The following RGPD4 variants were observed in gnomAD, a reference collection of about 807,000 sequenced individuals.
RGPD4 encodes the protein ranBP2-like and GRIP domain-containing protein 4.
In RGPD4, 84 loss-of-function variants were observed where a neutral mutation model predicts 141.1. That is an observed-to-expected ratio of 0.60 (90% CI 0.50 to 0.71). The LOEUF (loss-of-function observed/expected upper bound fraction) is 0.71. Ranked by LOEUF, RGPD4 falls within the 30% of genes least tolerant of loss-of-function variation. The pLI is 0.00. For synonymous variants in RGPD4, 298 were observed against 566.8 expected (o/e 0.53, Z 6.74); for missense variants, 918 against 1,622.4 (o/e 0.57, Z 7.46).
In RGPD4 at chr2:107,834,606, C is replaced by T. The variant is rs575174197; in HGVS notation, c.73-1996C>T. On this transcript the variant is annotated intron_variant, in intron 1 of 22. Coordinates refer to ENST00000408999, the MANE Select transcript of RGPD4 (RefSeq NM_182588.3). ...TTGCAGTGCTTGTGTTCAAGTAACC[C>T]TTATTTTATTTAAAATGGCACCAAA... Among the ~76,000 whole-genome samples the T allele has an allele frequency of 3.5e-3, 538 of 151,814 alleles. 4 individuals carry two copies. The highest frequency in any genetic ancestry group is 0.012 in the African/African-American group (499 of 41,308).
At chr2:107,840,963 G>C (rs1467859946) in intron 4 of RGPD4, among the ~76,000 whole-genome samples, 8 of 70,508 alleles carry the variant, frequency 1.1e-4, no homozygotes, top group Admixed American at 9.0e-4. Context: ...CTAGGTTTTG[G>C]CTATTGTTCA....
intron 1 of RGPD4, among the ~76,000 whole-genome samples, chr2:107,830,943 T>C (rs2104396058): frequency 6.6e-6 from 1 of 152,320 alleles, no homozygotes; most frequent in Non-Finnish European, 1.5e-5. Context: ...AAAAATATTC[T>C]TCGTCTGTAA....
chr2:107,880,259 C>CTTTTTTTTT (rs58305715), intron 21 of RGPD4, among the ~76,000 whole-genome samples, 152 bp downstream of exon 21: 5 of 48,176 alleles, frequency 1.0e-4, no homozygotes, highest in African/African-American at 2.0e-4. Context: ...GAAATATTGC[C>CTTTTTTTTT]TTTTTTTTTT....
chr2:107,871,985 A>G lies in RGPD4; in HGVS notation c.3981A>G (p.Glu1327=), dbSNP rs1682940581. Residue 1327 remains glutamate (E), a synonymous_variant, in exon 20 of 23, where the codon GAA becomes GAG. Coordinates refer to ENST00000408999, the MANE Select transcript of RGPD4 (RefSeq NM_182588.3). ...GTDEESDVTQ[E]EERDGQYFEP... is the part of the protein sequence containing the mutation. Reference sequence around the variant, plus strand: ...ATGAAGAATCTGATGTTACTCAAGAAGAAGAGAGAGATGGACAGTACTTTG... The same window carrying G: ...ATGAAGAATCTGATGTTACTCAAGAGGAAGAGAGAGATGGACAGTACTTTG... 1.2e-6 allele frequency: 2 copies of G among 1,611,392 alleles called. No individual in the cohort carries two copies. The highest frequency in any genetic ancestry group is 1.7e-6 in the Non-Finnish European group (2 of 1,179,842).
At chr2:107,832,566 T>G (rs1333901287) in intron 1 of RGPD4, among the ~76,000 whole-genome samples, 1 of 77,402 alleles carries the variant, frequency 1.3e-5, no homozygotes, top group East Asian at 2.2e-4. Context: ...CTCAGCCTCC[T>G]GAGTAGTGGG....
rs981609885 is a variant in RGPD4, at chr2:107,874,584, G to A, written c.4924+1656G>A. Among the ~76,000 whole-genome samples the A allele has an allele frequency of 1.2e-3, 174 of 150,412 alleles. 1 individual carries two copies. The highest frequency in any genetic ancestry group is 1.7e-3 in the Non-Finnish European group (116 of 67,852). On this transcript the variant is annotated intron_variant, in intron 20 of 22. Coordinates refer to ENST00000408999, the MANE Select transcript of RGPD4 (RefSeq NM_182588.3). The stretch of plus-strand genomic sequence containing the variant: ...TTTAAAGATACGGTCTTTGAGAAAT[G>A]TGAAAAGTGTTAACTTAAAAGTGAA...
At chr2:107,886,761 G>T (rs1164678267) in intron 22 of RGPD4, among the ~76,000 whole-genome samples, 1 of 151,976 alleles carries the variant, frequency 6.6e-6, no homozygotes, top group Non-Finnish European at 1.5e-5. Flanking sequence ...ACTCTTCCTG[G>T]CACTGAAGGA....
intron 1 of RGPD4, among the ~76,000 whole-genome samples, chr2:107,831,674 C>T (rs1430586260): frequency 7.6e-6 from 1 of 131,644 alleles, no homozygotes; most frequent in Non-Finnish European, 1.6e-5. Context: ...CTCCCGGGTT[C>T]ACACCATTCT....
At chr2:107,844,305 C>A (rs1265200639) in intron 6 of RGPD4, among the ~76,000 whole-genome samples, 1 of 151,692 alleles carries the variant, frequency 6.6e-6, no homozygotes, top group African/African-American at 2.4e-5. Flanking sequence ...TAGTTTAGAG[C>A]AGGGGTTGTT....
chr2:107,830,632 A>G (rs62159113), intron 1 of RGPD4, among the ~76,000 whole-genome samples: 47,732 of 151,528 alleles, frequency 0.32, 9,110 homozygotes, highest in Non-Finnish European at 0.43. Context: ...GGAACATGTG[A>G]AGCTATTCTG....
chr2:107,834,706 T>A (rs1026500772), intron 1 of RGPD4, among the ~76,000 whole-genome samples: 2 of 140,622 alleles, frequency 1.4e-5, no homozygotes, highest in African/African-American at 5.5e-5. Flanking sequence ...AGTGAAGAGG[T>A]GAGTTTTTGA....
At chr2:107,844,840 T>G (rs1251780845) in intron 6 of RGPD4, among the ~76,000 whole-genome samples, 23 of 96,380 alleles carry the variant, frequency 2.4e-4, no homozygotes, top group African/African-American at 8.5e-4. Flanking sequence ...GTTTTTTTTT[T>G]TTTTTTTTTT....
At chr2:107,882,494 A>G (rs553019087) in intron 21 of RGPD4, among the ~76,000 whole-genome samples, 178 bp from the exon 22 acceptor site, 45 of 149,974 alleles carry the variant, frequency 3.0e-4, no homozygotes, top group African/African-American at 1.1e-3. Flanking sequence ...GTGATGTCAT[A>G]AACTCCTTTG....
chr2:107,887,342 A>G (rs1338463915), intron 22 of RGPD4, among the ~76,000 whole-genome samples: 1 of 152,232 alleles, frequency 6.6e-6, no homozygotes, highest in Non-Finnish European at 1.5e-5. Context: ...AGTAAGGATA[A>G]GCAATTATTT....
chr2:107,873,560 T>G (rs970766584), intron 20 of RGPD4, among the ~76,000 whole-genome samples: 3 of 131,564 alleles, frequency 2.3e-5, no homozygotes, highest in Non-Finnish European at 4.6e-5. Context: ...ACTGAGTGAC[T>G]GAGACTTTGT....
chr2:107,882,047 C>T (rs1558822434), intron 21 of RGPD4, among the ~76,000 whole-genome samples: 1 of 151,916 alleles, frequency 6.6e-6, no homozygotes, highest in Non-Finnish European at 1.5e-5. Context: ...AAGTAGAAGG[C>T]AGAGGGAACA....
chr2:107,830,359 A>G (rs1681438339), intron 1 of RGPD4, among the ~76,000 whole-genome samples: 1 of 128,730 alleles, frequency 7.8e-6, no homozygotes, highest in African/African-American at 3.0e-5. Flanking sequence ...AAAAAAAAAA[A>G]GCATGTTTAG....
chr2:107,884,313 G>A lies in RGPD4; in HGVS notation c.5266+1440G>A, dbSNP rs546027159. ...GACGAGGTTTCACCATGTTGGCCAG[G>A]ATGGTCTCAATCTCCTGACCTTGTG... On this transcript the variant is annotated intron_variant, in intron 22 of 22. Transcript: ENST00000408999. Among the ~76,000 whole-genome samples the A allele has an allele frequency of 5.9e-5, 9 of 152,272 alleles. No homozygotes were observed. In the South Asian group the frequency reaches 1.0e-3, roughly 18 times the overall value.
chr2:107,844,787 G>C lies in RGPD4; in HGVS notation c.782+1057G>C, dbSNP rs373977790. On this transcript the variant is annotated intron_variant, in intron 6 of 22. Transcript: ENST00000408999. ...CATTTTTCTTAAGGACATCAAAGAT[G>C]TTTGTATGTGGGTTCCTTTCTTTCT... 3.2e-4 allele frequency among the ~76,000 whole-genome samples: 30 copies of C among 94,060 alleles called. 1 individual carries two copies. The highest frequency in any genetic ancestry group is 3.0e-4 in the Non-Finnish European group (13 of 43,052). The allele number at this position is 94,060 out of a possible 152,430, so 61.7% of individuals were successfully genotyped here.
Sources: allele counts gnomAD v4.1 joint callset (sites outside exome capture counted in the v4.1 genomes callset), GRCh38; gene constraint gnomAD v4.1.1; transcripts MANE v1.5; gene names NCBI Gene and HGNC (gene_info 2026-07-23, HGNC 2026-07-21).